The following L3HYPDH variants were observed in gnomAD, a reference collection of about 807,000 sequenced individuals.
L3HYPDH encodes trans-3-hydroxy-L-proline dehydratase.
L3HYPDH carries 32 observed loss-of-function variants against 26.5 expected under a neutral mutation model. The observed-to-expected ratio is 1.21, with a 90% CI of 0.91 to 1.62. L3HYPDH has a LOEUF of 1.62. Ranked by LOEUF, L3HYPDH falls within the 40% of genes most tolerant of loss-of-function variation. The pLI, the probability that L3HYPDH is intolerant of heterozygous loss-of-function variation, is 0.00. For missense variants in L3HYPDH, 554 were observed against 476.4 expected (o/e 1.16, Z -1.52); for synonymous variants, 215 against 196.6 (o/e 1.09, Z -0.78).
At chr14:59,481,981 A>C (rs1890059976) in intron 1 of L3HYPDH, among the ~76,000 whole-genome samples, 1 of 152,206 alleles carries the variant, frequency 6.6e-6, no homozygotes, top group Non-Finnish European at 1.5e-5. Context: ...TCTCAAGAGG[A>C]CCAGATGTTT....
chr14:59,474,739 CT>C (rs1889511171), intron 4 of L3HYPDH: 1 of 399,250 alleles, frequency 2.5e-6, no homozygotes, highest in Admixed American at 4.5e-5. Flanking sequence ...TTGTAGGATT[CT>C]TGTGAGGATT....
At chr14:59,469,558 TAAAAAAAAAAAAAAAA>T (rs36113229), downstream of L3HYPDH, among the ~76,000 whole-genome samples, 14 of 43,312 alleles carry the variant, frequency 3.2e-4, no homozygotes, top group South Asian at 8.1e-3. Flanking sequence ...TCCATCTCAT[TAAAAAAAAAAAAAAAA>T]AAAAAAAAAA....
rs2139808293 is a variant in L3HYPDH, at chr14:59,476,167, T to C, written c.726A>G (p.Gly242=). The C allele has an allele frequency of 6.2e-7, 1 of 1,612,978 alleles. No homozygotes were observed. Among genetic ancestry groups the C allele is most frequent in the African/African-American group, 1.3e-5 (1 of 74,980 alleles). Residue 242 remains glycine, a synonymous_variant, in exon 3 of 5, where the codon GGA becomes GGG. Coordinates refer to ENST00000247194, the MANE Select transcript of L3HYPDH (RefSeq NM_144581.2). ...PDSEDLAFLY[G]TILTDGKDAY... ...CATCTTTTCCATCTGTTAATATAGT[T>C]CCATATAAAAAGGCAAGGTCTTCAC...
rs116792835 is a variant in L3HYPDH at position 59,477,851 on chromosome 14, T to C, written c.678+1331A>G. 3.6e-3 allele frequency among the ~76,000 whole-genome samples: 542 copies of C among 152,358 alleles called. 2 individuals carry two copies. Among genetic ancestry groups the C allele is most frequent in the African/African-American group, 0.012 (519 of 41,584 alleles). On this transcript the variant is annotated intron_variant, in intron 2 of 4. Transcript: ENST00000247194. ...TCTTACACAAGTTACTTTTTACTACTAATAAATTCTCACATACTAAATTCT... is the reference window on the plus strand; with the variant it reads ...TCTTACACAAGTTACTTTTTACTACCAATAAATTCTCACATACTAAATTCT...
the L3HYPDH span, among the ~76,000 whole-genome samples, chr14:59,493,342 C>G: frequency 6.6e-6 from 1 of 152,184 alleles, no homozygotes; most frequent in Non-Finnish European, 1.5e-5. Context: ...TTACTGCAGC[C>G]ATGTGAGTTA....
chr14:59,499,921 G>A, the L3HYPDH span, among the ~76,000 whole-genome samples: 2 of 152,132 alleles, frequency 1.3e-5, no homozygotes, highest in East Asian at 3.8e-4. Flanking sequence ...TACCCTCTCT[G>A]TCTTTTGAGG....
chr14:59,494,822 C>A, the L3HYPDH span, among the ~76,000 whole-genome samples: 38 of 152,240 alleles, frequency 2.5e-4, no homozygotes, highest in African/African-American at 9.1e-4. Flanking sequence ...GATATAATTT[C>A]TGCTTTTCTG....
At chr14:59,504,233 C>G in the L3HYPDH span, 1 of 611,416 alleles carries the variant, frequency 1.6e-6, no homozygotes, top group Non-Finnish European at 2.9e-6. Flanking sequence ...GTTAGACTTA[C>G]AGACTTGGAA....
chr14:59,505,256 T>A, the L3HYPDH span: 2 of 1,498,834 alleles, frequency 1.3e-6, no homozygotes, highest in Non-Finnish European at 8.9e-7. Flanking sequence ...GTTAATGTAT[T>A]TTTCTCAGTA....
the L3HYPDH span, among the ~76,000 whole-genome samples, chr14:59,498,187 AT>A: frequency 3.3e-5 from 5 of 152,200 alleles, no homozygotes; most frequent in African/African-American, 2.4e-5. Context: ...ATGTGTATGC[AT>A]TTTAAGGAAT....
At chr14:59,501,038 G>T in the L3HYPDH span, 1 of 565,902 alleles carries the variant, frequency 1.8e-6, no homozygotes, top group Non-Finnish European at 3.1e-6. Context: ...GAAAAAGCTT[G>T]CTGGCCACTG....
At chr14:59,502,652 A>G in the L3HYPDH span, among the ~76,000 whole-genome samples, 1 of 152,060 alleles carries the variant, frequency 6.6e-6, no homozygotes, top group Non-Finnish European at 1.5e-5. Flanking sequence ...AAATATAATT[A>G]AAGAAGATAG....
At chr14:59,468,488 G>A (rs1455878430), downstream of L3HYPDH, among the ~76,000 whole-genome samples, 7 of 152,082 alleles carry the variant, frequency 4.6e-5, no homozygotes, top group Admixed American at 1.3e-4. Context: ...CCATCTTCGC[G>A]TTAAGGTTAG....
intron 4 of L3HYPDH, chr14:59,474,706 A>G (rs79021324): frequency 0.048 from 27,000 of 558,452 alleles, 790 homozygotes; most frequent in Non-Finnish European, 0.058. Context: ...TTGAAAAACG[A>G]TAATAACAGC....
chr14:59,469,593 G>A (rs1889265685), downstream of L3HYPDH, among the ~76,000 whole-genome samples: 2 of 147,470 alleles, frequency 1.4e-5, no homozygotes, highest in South Asian at 4.3e-4. Flanking sequence ...AAAAAGGTTG[G>A]GGGGTAAAAG....
At chr14:59,484,865 T>C, upstream of L3HYPDH, 2 of 1,173,910 alleles carry the variant, frequency 1.7e-6, 1 homozygote, top group Non-Finnish European at 2.3e-6. Flanking sequence ...CTTAGTTTAA[T>C]GTCGAGGGAA....
upstream of L3HYPDH, among the ~76,000 whole-genome samples, chr14:59,489,179 G>A (rs1483456569): frequency 4.6e-5 from 6 of 130,068 alleles, no homozygotes; most frequent in African/African-American, 1.6e-4. Flanking sequence ...TTTAGACTCC[G>A]CTTTCCTTTT....
chr14:59,479,743 G>A (rs1889882278), intron 1 of L3HYPDH, among the ~76,000 whole-genome samples: 1 of 152,216 alleles, frequency 6.6e-6, no homozygotes, highest in Admixed American at 6.5e-5. Flanking sequence ...GTTTAAAATA[G>A]TGAGGGTCTT....
In L3HYPDH at chr14:59,484,362, A is replaced by C. The variant is rs1890329385; in HGVS notation, c.-46T>G. The C allele has an allele frequency of 2.0e-6, 3 of 1,532,220 alleles. No homozygotes were observed. The highest frequency in any genetic ancestry group is 1.2e-5 in the South Asian group (1 of 82,592). The allele number at this position is 1,532,220 out of a possible 1,614,324, so 94.9% of individuals were successfully genotyped here. A position where few individuals can be genotyped will look rare whatever the true frequency, so the allele number is the denominator to read the frequency against. On this transcript the variant is annotated 5_prime_UTR_variant, in exon 1 of 5. Coordinates refer to ENST00000247194, the MANE Select transcript of L3HYPDH (RefSeq NM_144581.2). ...AGTACGGTCCCGCAGCTATGGCTTC[A>C]AGCCCGACCCTCACCCACTGACTCC...
Sources: gnomAD v4.1 joint callset for allele counts (sites outside exome capture counted in the v4.1 genomes callset) on GRCh38, gnomAD v4.1.1 for gene constraint, MANE v1.5 for transcripts, NCBI Gene and HGNC (gene_info 2026-07-23, HGNC 2026-07-21) for gene names.